The following ABLIM2 variants were observed in gnomAD, a reference collection of about 807,000 sequenced individuals.
The protein encoded by ABLIM2 is actin binding LIM protein family member 2.
Under a neutral mutation model 97.7 loss-of-function variants are expected in ABLIM2, and 53 were observed. The observed-to-expected ratio is 0.54, with a 90% CI of 0.44 to 0.68. The LOEUF (loss-of-function observed/expected upper bound fraction) is 0.68. Ranked by LOEUF, ABLIM2 falls within the 30% of genes least tolerant of loss-of-function variation. ABLIM2 has a pLI of 0.00. For synonymous variants in ABLIM2, 361 were observed against 345.8 expected (o/e 1.04, Z -0.49); for missense variants, 835 against 867.2 (o/e 0.96, Z 0.47).
At chr4:8,076,343 T>C (rs576422209) in intron 6 of ABLIM2, among the ~76,000 whole-genome samples, 2 of 152,332 alleles carry the variant, frequency 1.3e-5, no homozygotes, top group African/African-American at 4.8e-5. Flanking sequence ...TGCTTTTGGG[T>C]CCTGGGTACC....
At chr4:8,039,664 T>C (rs1415010621) in intron 9 of ABLIM2, among the ~76,000 whole-genome samples, 1 of 152,236 alleles carries the variant, frequency 6.6e-6, no homozygotes, top group Non-Finnish European at 1.5e-5. Context: ...CAGTCAATGA[T>C]AACACAGAAT....
chr4:8,134,303 C>G (rs552889048), intron 1 of ABLIM2, among the ~76,000 whole-genome samples: 1 of 152,152 alleles, frequency 6.6e-6, no homozygotes, highest in Non-Finnish European at 1.5e-5. Context: ...CAGGGCGGAT[C>G]GGAGGGGATG....
At chr4:8,048,352 T>G (rs547895728) in intron 8 of ABLIM2, among the ~76,000 whole-genome samples, 1 of 152,320 alleles carries the variant, frequency 6.6e-6, no homozygotes, top group South Asian at 2.1e-4. Flanking sequence ...ATGGAAGGGC[T>G]GGGAGCTCAC....
rs775348839 is a variant in ABLIM2 at position 8,072,129 on chromosome 4, C to G, written c.675+5499G>C. 12 of 929,630 alleles carry G rather than the reference C, an allele frequency of 1.3e-5. No homozygotes were observed. Among genetic ancestry groups the G allele is most frequent in the Non-Finnish European group, 1.4e-5 (11 of 779,072 alleles). The allele number at this position is 929,630 out of a possible 1,614,324, so 57.6% of individuals were successfully genotyped here. On this transcript the variant is annotated intron_variant, in intron 6 of 20. Coordinates refer to ENST00000447017, the MANE Select transcript of ABLIM2 (RefSeq NM_001130083.2). The surrounding 1 kb of genome is among the most constrained non-coding windows in gnomAD (Gnocchi z 5.8). ...GCGAAAACAAAAGCATTAATCTTCCCCAGGAGGCCCTTTCTCCTCCACAGC... is the reference window on the plus strand; with the variant it reads ...GCGAAAACAAAAGCATTAATCTTCCGCAGGAGGCCCTTTCTCCTCCACAGC...
chr4:8,097,244 G>A lies in ABLIM2; in HGVS notation c.193C>T (p.Arg65Trp), dbSNP rs377620472. The stretch of plus-strand genomic sequence containing the variant: ...AGCGTGCAGATGTACTCGCCCTGCC[G>A]CACGAAGAAGCCGCCCTCGGCCAGG... ...CDLAEGGFFV[R>W]QGEYICTLDY... Residue 65 changes from arginine to tryptophan, a missense_variant, in exon 3 of 21, where the codon CGG becomes TGG. Arg to Trp is a moderately radical substitution (Grantham distance 101). Transcript: ENST00000447017. 26 of 1,572,516 alleles carry A rather than the reference G, an allele frequency of 1.7e-5. No individual in the cohort carries two copies. Among genetic ancestry groups the A allele is most frequent in the African/African-American group, 4.1e-5 (3 of 73,754 alleles).
In ABLIM2 at chr4:8,080,764, C is replaced by T; in HGVS notation, c.493G>A (p.Ala165Thr). The T allele has an allele frequency of 6.2e-7, 1 of 1,611,700 alleles. No individual in the cohort carries two copies. The highest frequency in any genetic ancestry group is 8.5e-7 in the Non-Finnish European group (1 of 1,178,420). Residue 165 changes from alanine to threonine, a missense_variant, in exon 5 of 21, where the codon GCC becomes ACC. Physicochemically the swap from Ala to Thr is moderately conservative, Grantham distance 58 (BLOSUM62 0). Coordinates refer to ENST00000447017, the MANE Select transcript of ABLIM2 (RefSeq NM_001130083.2). ...CAGTGCTTGTCCAAGGCTACCAGGGCCTGGCCATTCTTGATTTCTGTGCCG... is the reference window on the plus strand; with the variant it reads ...CAGTGCTTGTCCAAGGCTACCAGGGTCTGGCCATTCTTGATTTCTGTGCCG... Reference protein sequence around the residue: ...GCGTEIKNGQALVALDKHWHL... With the variant: ...GCGTEIKNGQTLVALDKHWHL...
In ABLIM2 at chr4:8,149,106, C is replaced by T. The variant is rs150996103; in HGVS notation, c.10+9574G>A. Among the ~76,000 whole-genome samples the T allele has an allele frequency of 2.5e-3, 374 of 152,246 alleles. 5 individuals are homozygous for T. The highest frequency in any genetic ancestry group is 8.5e-3 in the African/African-American group (355 of 41,548). On this transcript the variant is annotated intron_variant, in intron 1 of 20. Transcript: ENST00000447017. This position sits in a 1 kb window ranked among gnomAD's most constrained non-coding sequence, Gnocchi z 6.4. ...GGAGGCTCCGGGGGAGATCCACTTC[C>T]GTGCCTCTTCCAGCTTCTAGGGGCA...
intron 7 of ABLIM2, among the ~76,000 whole-genome samples, chr4:8,057,408 T>G (rs1800002244): frequency 6.6e-6 from 1 of 152,168 alleles, no homozygotes; most frequent in African/African-American, 2.4e-5. Flanking sequence ...CTTTCTAACG[T>G]TTTATTTATT....
rs983183070 is a variant in ABLIM2, at chr4:8,036,420, T to C, written c.901-125A>G. The C allele has an allele frequency of 1.2e-5, 14 of 1,214,106 alleles. 1 individual carries two copies. The South Asian group carries it at 2.0e-4, about 18-fold the overall frequency. The allele number at this position is 1,214,106 out of a possible 1,614,324, so 75.2% of individuals were successfully genotyped here. A position where few individuals can be genotyped will look rare whatever the true frequency, so the allele number is the denominator to read the frequency against. ...AAGCCAGATGCATCCCACAGGACAG[T>C]GCCCCCAAAGCCAGATGCATCCCAC... is the stretch of plus-strand genomic sequence containing the variant. On this transcript the variant is annotated intron_variant, in intron 9 of 20. Coordinates refer to ENST00000447017, the MANE Select transcript of ABLIM2 (RefSeq NM_001130083.2).
At chr4:7,993,574 G>A (rs1371130637) in intron 16 of ABLIM2, among the ~76,000 whole-genome samples, 1 of 152,166 alleles carries the variant, frequency 6.6e-6, no homozygotes, top group East Asian at 1.9e-4. Context: ...CTATTTGGGA[G>A]GCTGAGGTGG....
At chr4:8,050,310 C>A (rs888668283) in intron 8 of ABLIM2, among the ~76,000 whole-genome samples, 1 of 152,176 alleles carries the variant, frequency 6.6e-6, no homozygotes, top group Non-Finnish European at 1.5e-5. Flanking sequence ...GGAGAGCTCC[C>A]ATCCCCATGG....
intron 1 of ABLIM2, among the ~76,000 whole-genome samples, chr4:8,117,502 C>A (rs1843302921): frequency 6.6e-6 from 1 of 151,050 alleles, no homozygotes; most frequent in Non-Finnish European, 1.5e-5. Context: ...CTGCAGACTC[C>A]ACCCGCTGCA....
intron 14 of ABLIM2, 32 bp from the exon 15 acceptor site, chr4:8,009,134 C>T: frequency 6.2e-7 from 1 of 1,613,458 alleles, no homozygotes; most frequent in South Asian, 1.1e-5. Context: ...GTAAAGGCCA[C>T]ACACCATTGC....
At chr4:8,086,387 A>G (rs1266882243) in intron 4 of ABLIM2, among the ~76,000 whole-genome samples, 1 of 129,098 alleles carries the variant, frequency 7.7e-6, no homozygotes, top group Admixed American at 9.2e-5. Flanking sequence ...TCACTCTGTC[A>G]CTCAGGCTGG....
intron 6 of ABLIM2, chr4:8,066,794 G>A (rs1477071738): frequency 2.0e-5 from 3 of 152,136 alleles, no homozygotes; most frequent in South Asian, 4.2e-4. Flanking sequence ...GTTTCCTCTC[G>A]GGGTGACGAA....
At chr4:7,975,010 G>C (rs892148311) in intron 20 of ABLIM2, among the ~76,000 whole-genome samples, 3 of 152,182 alleles carry the variant, frequency 2.0e-5, no homozygotes, top group Admixed American at 6.5e-5. Context: ...CTTGAGCCCA[G>C]GAATTTGAGA....
rs1756963226 is a variant in ABLIM2 at position 8,001,220 on chromosome 4, A to G, written c.1618+6839T>C. Among the ~76,000 whole-genome samples, 1 of 152,210 alleles carries G rather than the reference A, an allele frequency of 6.6e-6. No homozygotes were observed. The highest frequency in any genetic ancestry group is 1.5e-5 in the Non-Finnish European group (1 of 68,022). On this transcript the variant is annotated intron_variant, in intron 16 of 20. Transcript: ENST00000447017. This position sits in a 1 kb window ranked among gnomAD's most constrained non-coding sequence, Gnocchi z 4.2. Reference sequence around the variant, plus strand: ...GAGCTTCCGGTGTCGGGGCCCAGGCAGCATTGGAGGAGGACAGAGGAGGCC... The same window carrying G: ...GAGCTTCCGGTGTCGGGGCCCAGGCGGCATTGGAGGAGGACAGAGGAGGCC...
At chr4:8,020,997 C>G (rs1773300899) in intron 12 of ABLIM2, among the ~76,000 whole-genome samples, 1 of 151,906 alleles carries the variant, frequency 6.6e-6, no homozygotes, top group Admixed American at 6.6e-5. Context: ...GCTGGGACCA[C>G]AGGTGTGCAC....
intron 20 of ABLIM2, among the ~76,000 whole-genome samples, chr4:7,969,727 T>A (rs1577483416): frequency 1.6e-5 from 1 of 62,818 alleles, no homozygotes; most frequent in Non-Finnish European, 2.9e-5. Context: ...TCTCTCTCTC[T>A]CTGACACACA....
Sources: allele counts gnomAD v4.1 joint callset (sites outside exome capture counted in the v4.1 genomes callset), GRCh38; gene constraint gnomAD v4.1.1; non-coding constraint Gnocchi (gnomAD v3.1); transcripts MANE v1.5; gene names NCBI Gene and HGNC (gene_info 2026-07-23, HGNC 2026-07-21).